The following PKD2L2 variants were observed in gnomAD, a reference collection of about 807,000 sequenced individuals.
PKD2L2 encodes the protein polycystin 2 like 2, transient receptor potential cation channel.
PKD2L2 carries 67 observed loss-of-function variants against 83.9 expected under a neutral mutation model. That is an observed-to-expected ratio of 0.80 (90% CI 0.66 to 0.98). The LOEUF (loss-of-function observed/expected upper bound fraction) is 0.98. Ranked by LOEUF, PKD2L2 falls within the 50% of genes least tolerant of loss-of-function variation. The probability of loss-of-function intolerance (pLI) is 0.00; values close to 1 mark genes in which losing one functional copy is unlikely to be tolerated. For synonymous variants in PKD2L2, 223 were observed against 237.8 expected (o/e 0.94, Z 0.57); for missense variants, 632 against 717.2 (o/e 0.88, Z 1.36).
chr5:137,909,451 C>A (rs1210207441), intron 8 of PKD2L2, among the ~76,000 whole-genome samples: 1 of 151,236 alleles, frequency 6.6e-6, no homozygotes, highest in African/African-American at 2.4e-5. Flanking sequence ...AATAATTTTT[C>A]ATTTTTCATT....
intron 11 of PKD2L2, among the ~76,000 whole-genome samples, chr5:137,925,645 C>T (rs1478122410): frequency 6.6e-6 from 1 of 152,168 alleles, no homozygotes; most frequent in Non-Finnish European, 1.5e-5. Flanking sequence ...ACTTTGGTGT[C>T]AAAATACTTC....
intron 8 of PKD2L2, among the ~76,000 whole-genome samples, chr5:137,910,772 C>T (rs1757765558): frequency 7.7e-6 from 1 of 130,140 alleles, no homozygotes; most frequent in Non-Finnish European, 1.6e-5. Context: ...GAATGAGACT[C>T]TGTCTCAAAA....
chr5:137,903,572 A>C (rs1757130342), intron 5 of PKD2L2, among the ~76,000 whole-genome samples: 1 of 152,202 alleles, frequency 6.6e-6, no homozygotes, highest in South Asian at 2.1e-4. Flanking sequence ...ACAGGAGGAA[A>C]TTATCGAGAC....
intron 10 of PKD2L2, among the ~76,000 whole-genome samples, chr5:137,924,367 C>T (rs1051278488): frequency 6.6e-6 from 1 of 152,210 alleles, no homozygotes; most frequent in East Asian, 1.9e-4. Context: ...TCTCTCTCCT[C>T]TGAGCCTCTG....
rs760329531 is a variant in PKD2L2, at chr5:137,921,648, T to C, written c.1341T>C (p.Phe447=). The C allele has an allele frequency of 1.9e-6, 3 of 1,589,318 alleles. No homozygotes were observed. The highest frequency in any genetic ancestry group is 2.6e-6 in the Non-Finnish European group (3 of 1,163,320). ...TTCTTTCTTAAAGATTTGCACAATT[T>C]CGAATTGTTCTTGGAGATTTTAATT... ...STFQNSIFAQ[F]RIVLGDFNFA... The change falls in exon 9 of 15, where the codon TTT becomes TTC. Residue 447 remains phenylalanine (F), a synonymous_variant. Transcript: ENST00000508883.
At chr5:137,892,748 C>T (rs1217602763) in intron 3 of PKD2L2, 135 bp downstream of exon 3, 5 of 717,230 alleles carry the variant, frequency 7.0e-6, no homozygotes, top group Non-Finnish European at 1.1e-5. Context: ...CTATTAGAAA[C>T]AACCAACCAG....
Position 137,903,654 on chromosome 5 carries a change from C to T in PKD2L2, c.747-2552C>T, listed in dbSNP as rs1253123045. ...CATATTCTTAAACATATAAAACTAA[C>T]ATATTGTATGTAATCTACATGTTCC... is the stretch of plus-strand genomic sequence containing the variant. On this transcript the variant is annotated intron_variant, in intron 5 of 14. Transcript: ENST00000508883. 2.0e-5 allele frequency among the ~76,000 whole-genome samples: 3 copies of T among 152,288 alleles called. No individual in the cohort carries two copies. In the East Asian group the frequency reaches 5.8e-4, roughly 29 times the overall value.
At chr5:137,904,816 C>A (rs1461366503) in intron 5 of PKD2L2, among the ~76,000 whole-genome samples, 1 of 152,170 alleles carries the variant, frequency 6.6e-6, no homozygotes, top group Non-Finnish European at 1.5e-5. Flanking sequence ...GTAAGTCTTA[C>A]ATTTTTTCCT....
At chr5:137,942,089 T>C in intron 14 of PKD2L2, 1 of 1,491,854 alleles carries the variant, frequency 6.7e-7, no homozygotes. Context: ...ACTTGATTCA[T>C]TATATTCTTA....
chr5:137,940,807 CGCTA>C (rs1249776639), intron 14 of PKD2L2, among the ~76,000 whole-genome samples: 1 of 152,180 alleles, frequency 6.6e-6, no homozygotes, highest in Admixed American at 6.5e-5. Context: ...TCAGTTTAAT[CGCTA>C]GCTAAAGCAT....
intron 5 of PKD2L2, among the ~76,000 whole-genome samples, 157 bp downstream of exon 5, chr5:137,899,894 C>T (rs1373088039): frequency 2.0e-5 from 3 of 151,780 alleles, no homozygotes; most frequent in Admixed American, 2.0e-4. Context: ...TGTTTTGAAC[C>T]TTTGTGACAA....
At chr5:137,894,853 TCATATTGGA>T (rs760474231) in intron 4 of PKD2L2, among the ~76,000 whole-genome samples, 1 of 152,196 alleles carries the variant, frequency 6.6e-6, no homozygotes, top group South Asian at 2.1e-4. Context: ...AACTGCTTAG[TCATATTGGA>T]CACAGGGCAA....
chr5:137,925,347 C>A (rs1009796888), intron 11 of PKD2L2, among the ~76,000 whole-genome samples: 2 of 152,152 alleles, frequency 1.3e-5, no homozygotes, highest in Admixed American at 6.5e-5. Flanking sequence ...CACCACCAAC[C>A]TATGTGGCGA....
At chr5:137,925,164 A>C in intron 11 of PKD2L2, 60 bp downstream of exon 11, 3 of 1,038,892 alleles carry the variant, frequency 2.9e-6, no homozygotes, top group Non-Finnish European at 4.5e-6. Flanking sequence ...TTATATGAGA[A>C]CCTTATAAGG....
chr5:137,899,469 T>C (rs780673202), intron 4 of PKD2L2, 47 bp from the exon 5 acceptor site: 10 of 1,224,970 alleles, frequency 8.2e-6, no homozygotes, highest in Non-Finnish European at 1.1e-5. Flanking sequence ...AGAATACTTC[T>C]CAGTTGGGCT....
chr5:137,905,140 T>A (rs1176792574), intron 5 of PKD2L2, among the ~76,000 whole-genome samples: 2 of 152,178 alleles, frequency 1.3e-5, no homozygotes, highest in African/African-American at 4.8e-5. Context: ...TAATATAAGA[T>A]TAAGTCCAGA....
intron 12 of PKD2L2, among the ~76,000 whole-genome samples, chr5:137,931,876 T>C (rs1432618157): frequency 6.6e-6 from 1 of 152,018 alleles, no homozygotes; most frequent in Non-Finnish European, 1.5e-5. Flanking sequence ...ATCTGAAAAA[T>C]TACAATAAAA....
At chr5:137,922,160 G>A (rs1758964866) in intron 9 of PKD2L2, among the ~76,000 whole-genome samples, 1 of 152,192 alleles carries the variant, frequency 6.6e-6, no homozygotes, top group Admixed American at 6.5e-5. Flanking sequence ...TCTCTCACAT[G>A]CACTCAGAAC....
intron 14 of PKD2L2, chr5:137,939,278 G>A (rs1441663613): frequency 6.6e-6 from 1 of 152,536 alleles, no homozygotes; most frequent in Non-Finnish European, 1.5e-5. Flanking sequence ...CAGTGGTAGA[G>A]CCCTTGTTAA....
Sources: gnomAD v4.1 joint callset for allele counts (sites outside exome capture counted in the v4.1 genomes callset) on GRCh38, gnomAD v4.1.1 for gene constraint, MANE v1.5 for transcripts, NCBI Gene and HGNC (gene_info 2026-07-23, HGNC 2026-07-21) for gene names.